The following STON1 variants were observed in gnomAD, a reference collection of about 807,000 sequenced individuals.
STON1 encodes the protein stonin-1.
A neutral mutation model predicts 60.9 loss-of-function variants in STON1; 79 were observed. The observed-to-expected ratio is 1.30, with a 90% CI of 1.08 to 1.56. STON1 has a LOEUF of 1.56. Among genes scored for constraint, STON1 ranks in the 40% most tolerant of loss-of-function variants. The pLI is 0.00. For missense variants in STON1, 1,166 were observed against 858.9 expected (o/e 1.36, Z -4.47); for synonymous variants, 363 against 306.9 (o/e 1.18, Z -1.91).
At chr2:48,558,730 G>C (rs970863431) in intron 1 of STON1, among the ~76,000 whole-genome samples, 3 of 152,182 alleles carry the variant, frequency 2.0e-5, no homozygotes, top group African/African-American at 7.2e-5. Context: ...CTTTACTCAA[G>C]CAGATGTCCC....
Position 48,578,581 on chromosome 2 carries a change from C to CTTTTTTTTTTTTTTTTTT in STON1, c.-47-1998_-47-1981dup, listed in dbSNP as rs59933765. On this transcript the variant is annotated intron_variant, in intron 1 of 3. Transcript: ENST00000404752. ...CTTCTCCTCCTCCTCCTCCTCCTTC[C>CTTTTTTTTTTTTTTTTTT]TTTTTTTTTTTTTTTTTTTTTTTTT... Among the ~76,000 whole-genome samples the CTTTTTTTTTTTTTTTTTT allele has an allele frequency of 5.2e-3, 239 of 46,172 alleles. 15 individuals are homozygous for CTTTTTTTTTTTTTTTTTT. Among genetic ancestry groups the CTTTTTTTTTTTTTTTTTT allele is most frequent in the East Asian group, 0.013 (14 of 1,058 alleles). 30.3% of individuals were successfully genotyped at this position (46,172 alleles called of 152,430 possible).
chr2:48,551,420 C>G (rs1393325985), intron 1 of STON1, among the ~76,000 whole-genome samples: 1 of 151,954 alleles, frequency 6.6e-6, no homozygotes, highest in Admixed American at 6.5e-5. Context: ...GTGCCATGAC[C>G]AAGGGCCAAG....
intron 1 of STON1, among the ~76,000 whole-genome samples, chr2:48,561,403 AAGTGC>A (rs1451327322): frequency 5.9e-5 from 9 of 152,208 alleles, no homozygotes; most frequent in Admixed American, 5.9e-4. Context: ...CTATAGGGCA[AAGTGC>A]AGAATTTGGG....
intron 1 of STON1, among the ~76,000 whole-genome samples, chr2:48,539,738 G>C (rs1572924888): frequency 1.3e-5 from 2 of 152,096 alleles, no homozygotes; most frequent in South Asian, 2.1e-4. Context: ...TTTCTAAAGT[G>C]CTGGGATTAC....
chr2:48,575,222 T>C (rs1673414818), intron 1 of STON1, among the ~76,000 whole-genome samples: 1 of 152,264 alleles, frequency 6.6e-6, no homozygotes, highest in East Asian at 1.9e-4. Flanking sequence ...AATAATATTC[T>C]ATTGTATGAA....
rs1167243577 is a variant in STON1, at chr2:48,554,874, C to G, written c.-48+24658C>G. 3.0e-3 allele frequency among the ~76,000 whole-genome samples: 221 copies of G among 72,874 alleles called. 19 individuals are homozygous for G. Among genetic ancestry groups the G allele is most frequent in the African/African-American group, 0.011 (207 of 18,682 alleles). 47.8% of individuals were successfully genotyped at this position (72,874 alleles called of 152,430 possible). ...TTTTCCTAGGCAGAGGACCCTGCGG[C>G]CTTCCGCAGTGTTTGTGTCCCTGAT... On this transcript the variant is annotated intron_variant, in intron 1 of 3. Coordinates refer to ENST00000404752, the MANE Select transcript of STON1 (RefSeq NM_006873.4).
intron 2 of STON1, among the ~76,000 whole-genome samples, chr2:48,588,531 G>C (rs897253770): frequency 4.6e-5 from 7 of 151,882 alleles, no homozygotes; most frequent in African/African-American, 1.7e-4. Flanking sequence ...TTGTATTTTT[G>C]GTAGAGATGA....
chr2:48,561,883 CAG>C (rs1672628090), intron 1 of STON1, among the ~76,000 whole-genome samples: 1 of 152,118 alleles, frequency 6.6e-6, no homozygotes. Flanking sequence ...TTTTTTGAAA[CAG>C]AGTCTCACTC....
intron 2 of STON1, among the ~76,000 whole-genome samples, chr2:48,587,596 T>G (rs1405681391): frequency 1.3e-5 from 2 of 152,086 alleles, no homozygotes; most frequent in Non-Finnish European, 2.9e-5. Flanking sequence ...CGGCCTCCCA[T>G]GAGTATTTAT....
At chr2:48,593,965 C>T (rs903864517) in intron 3 of STON1, among the ~76,000 whole-genome samples, 1 of 152,184 alleles carries the variant, frequency 6.6e-6, no homozygotes, top group Non-Finnish European at 1.5e-5. Flanking sequence ...GGTCATGCCT[C>T]CTTCCTGGAA....
chr2:48,588,616 C>T (rs978541764), intron 2 of STON1, among the ~76,000 whole-genome samples: 3 of 152,172 alleles, frequency 2.0e-5, no homozygotes, highest in African/African-American at 7.2e-5. Flanking sequence ...CTTCCGAGTG[C>T]TGGGATTATA....
chr2:48,567,914 C>A (rs993288095), intron 1 of STON1, among the ~76,000 whole-genome samples: 1 of 143,474 alleles, frequency 7.0e-6, no homozygotes, highest in East Asian at 3.2e-4. Context: ...CAGTGTTGCT[C>A]TTGAGGAGTC....
At chr2:48,587,569 G>C in intron 2 of STON1, among the ~76,000 whole-genome samples, 1 of 152,124 alleles carries the variant, frequency 6.6e-6, no homozygotes, top group East Asian at 1.9e-4. Context: ...GGGATTATAG[G>C]CATGAGCCAC....
intron 1 of STON1, among the ~76,000 whole-genome samples, chr2:48,550,279 C>A (rs1433540710): frequency 2.6e-5 from 4 of 152,020 alleles, no homozygotes; most frequent in Non-Finnish European, 5.9e-5. Context: ...GAGTGGATCA[C>A]CTGAGGTCAG....
rs535187977 is a variant in STON1 at position 48,597,580 on chromosome 2, A to G, written c.*2278A>G. 6.6e-5 allele frequency: 10 copies of G among 152,632 alleles called. No homozygotes were observed. The South Asian group carries it at 2.1e-3, about 32-fold the overall frequency. 9.5% of individuals were successfully genotyped at this position (152,632 alleles called of 1,614,324 possible). A position where few individuals can be genotyped will look rare whatever the true frequency, so the allele number is the denominator to read the frequency against. On this transcript the variant is annotated 3_prime_UTR_variant, in exon 4 of 4. Coordinates refer to ENST00000404752, the MANE Select transcript of STON1 (RefSeq NM_006873.4). ...TCCCTGCCCAGGTTATTCACTCACAAGCCACCGGGCCTTCAGGACATCTCA... is the reference window on the plus strand; with the variant it reads ...TCCCTGCCCAGGTTATTCACTCACAGGCCACCGGGCCTTCAGGACATCTCA...
At chr2:48,549,810 C>CAAAAAA (rs59908100) in intron 1 of STON1, among the ~76,000 whole-genome samples, 1 of 78,088 alleles carries the variant, frequency 1.3e-5, no homozygotes, top group Non-Finnish European at 2.3e-5. Flanking sequence ...GACTCCATCT[C>CAAAAAA]AAAAAAAAAA....
chr2:48,564,463 T>TC (rs1672767877), intron 1 of STON1, among the ~76,000 whole-genome samples: 2 of 55,372 alleles, frequency 3.6e-5, no homozygotes, highest in Admixed American at 1.7e-4. Flanking sequence ...TTCTTCTTCT[T>TC]CTTCTTCTTC....
chr2:48,578,589 T>C (rs1223620222), intron 1 of STON1, among the ~76,000 whole-genome samples: 14 of 130,174 alleles, frequency 1.1e-4, no homozygotes, highest in Non-Finnish European at 1.9e-4. Context: ...TCCTTTTTTT[T>C]TTTTTTTTTT....
intron 1 of STON1, among the ~76,000 whole-genome samples, chr2:48,541,665 C>T (rs1161739447): frequency 7.5e-6 from 1 of 133,404 alleles, no homozygotes; most frequent in Admixed American, 8.3e-5. Flanking sequence ...CACCATTGCA[C>T]TCCATCCTGG....
Sources: gnomAD v4.1 joint callset for allele counts (sites outside exome capture counted in the v4.1 genomes callset) on GRCh38, gnomAD v4.1.1 for gene constraint, MANE v1.5 for transcripts, NCBI Gene and HGNC (gene_info 2026-07-23, HGNC 2026-07-21) for gene names.